WDFY4: variants seen among roughly 807,000 people sequenced by gnomAD.
The protein encoded by WDFY4 is WD repeat- and FYVE domain-containing protein 4.
WDFY4 carries 169 observed loss-of-function variants against 351.9 expected under a neutral mutation model. That is an observed-to-expected ratio of 0.48 (90% confidence interval 0.42 to 0.55). The LOEUF is 0.55. WDFY4 is among the 20% of genes least tolerant of loss of function. WDFY4 has a pLI of 0.00. For synonymous variants in WDFY4, 1,622 were observed against 1,574.6 expected, an observed-to-expected ratio of 1.03 and a Z score of -0.71; for missense variants, 3,803 against 3,935.6, an observed-to-expected ratio of 0.97 and a Z score of 0.90.
intron 12 of WDFY4, among the ~76,000 whole-genome samples, chr10:48,750,863 T>C (rs1219188319): frequency 1.3e-5 from 2 of 152,244 alleles, no homozygotes; most frequent in African/African-American, 4.8e-5. Context: ...GTGAGGCCCA[T>C]GTGAGCATGG....
At chr10:48,953,302 GTCTCTC>G (rs140127650) in intron 51 of WDFY4, among the ~76,000 whole-genome samples, 134 of 126,022 alleles carry the variant, frequency 1.1e-3, no homozygotes, top group Middle Eastern at 4.1e-3. Context: ...CATGAGATAT[GTCTCTC>G]TCTCTCTCTC....
chr10:48,695,584 A>T (rs2063310209), intron 1 of WDFY4, among the ~76,000 whole-genome samples: 1 of 152,208 alleles, frequency 6.6e-6, no homozygotes, highest in African/African-American at 2.4e-5. Context: ...AGTAGAGAAC[A>T]TTGATGTCTC....
At chr10:48,965,024 A>G (rs548609068) in intron 54 of WDFY4, among the ~76,000 whole-genome samples, 12 of 152,362 alleles carry the variant, frequency 7.9e-5, no homozygotes, top group African/African-American at 2.9e-4. Flanking sequence ...TGGCACATCC[A>G]GTGTGGGTTT....
chr10:48,820,998 G>T lies in WDFY4; in HGVS notation c.5710-64G>T, dbSNP rs575314468. 5.2e-6 allele frequency: 6 copies of T among 1,143,886 alleles called. No homozygotes were observed. In the East Asian group the frequency reaches 1.3e-4, roughly 25 times the overall value. 70.9% of individuals were successfully genotyped at this position (1,143,886 alleles called of 1,614,324 possible). A position where few individuals can be genotyped will look rare whatever the true frequency, so the allele number is the denominator to read the frequency against. ...AGTGTCCCAGCCAGGCTAGGGAGGC[G>T]GTGGGCACTGGGTGCACACGATGGC... is the stretch of plus-strand genomic sequence containing the variant. On this transcript the variant is annotated intron_variant, in intron 33 of 61. Transcript: ENST00000325239.
At chr10:48,940,784 G>C (rs980689469) in intron 47 of WDFY4, among the ~76,000 whole-genome samples, 1 of 152,188 alleles carries the variant, frequency 6.6e-6, no homozygotes, top group Admixed American at 6.5e-5. Context: ...GAGGAGCTGG[G>C]CTCTGTAATC....
intron 39 of WDFY4, among the ~76,000 whole-genome samples, chr10:48,833,734 G>A (rs2068279099): frequency 6.6e-6 from 1 of 152,356 alleles, no homozygotes; most frequent in South Asian, 2.1e-4. Context: ...GTTTTTGCTA[G>A]ACATGGCTGT....
At chr10:48,803,602 C>T (rs1405767805) in intron 25 of WDFY4, among the ~76,000 whole-genome samples, 2 of 152,104 alleles carry the variant, frequency 1.3e-5, no homozygotes, top group Admixed American at 6.5e-5. Flanking sequence ...ATACTGGGGG[C>T]TCAGCAATTG....
intron 5 of WDFY4, among the ~76,000 whole-genome samples, chr10:48,724,957 A>G (rs1036397342): frequency 6.6e-6 from 1 of 152,140 alleles, no homozygotes; most frequent in African/African-American, 2.4e-5. Flanking sequence ...TGTATGAGAG[A>G]AATCAGTGGA....
intron 8 of WDFY4, among the ~76,000 whole-genome samples, chr10:48,730,419 A>G (rs1198952174): frequency 6.6e-6 from 1 of 152,204 alleles, no homozygotes; most frequent in Admixed American, 6.5e-5. Context: ...GAGTTTCACA[A>G]ACATCTCTGT....
Position 48,975,004 on chromosome 10 carries a change from G to C in WDFY4, c.9071G>C (p.Arg3024Pro). The change falls in exon 58 of 62, where the codon CGG (arginine) becomes CCG (proline). Residue 3024 changes from arginine to proline, a missense_variant. Coordinates refer to ENST00000325239, the MANE Select transcript of WDFY4 (RefSeq NM_001394531.1). ...LTHVTRLPAH[R>P]EGISAITISD... ...CACGTGACCCGCCTGCCCGCCCATCGGGAAGGCATCTCAGCCATCACCATC... is the reference window on the plus strand; with the variant it reads ...CACGTGACCCGCCTGCCCGCCCATCCGGAAGGCATCTCAGCCATCACCATC... 1 of 1,551,650 alleles carries C rather than the reference G, an allele frequency of 6.4e-7. No homozygotes were observed. The highest frequency in any genetic ancestry group is 8.7e-7 in the Non-Finnish European group (1 of 1,146,990).
rs530505988 is a variant in WDFY4, at chr10:48,824,285, G to A, written c.5982+1748G>A. ...TATCCGTACAGTGGGGTAACTTAGC[G>A]TCTATGGTGTTTTTATGACAAACAG... On this transcript the variant is annotated intron_variant, in intron 35 of 61. Transcript: ENST00000325239. 63 of 710,158 alleles carry A rather than the reference G, an allele frequency of 8.9e-5. No homozygotes were observed. In the South Asian group the frequency reaches 3.0e-3, roughly 34 times the overall value. The allele number at this position is 710,158 out of a possible 1,614,324, so 44.0% of individuals were successfully genotyped here. A position where few individuals can be genotyped will look rare whatever the true frequency, so the allele number is the denominator to read the frequency against.
intron 28 of WDFY4, among the ~76,000 whole-genome samples, chr10:48,808,614 T>C (rs1318388706): frequency 6.6e-6 from 1 of 152,224 alleles, no homozygotes; most frequent in Non-Finnish European, 1.5e-5. Context: ...AACCTGTATA[T>C]GCATCTGGGC....
intron 13 of WDFY4, among the ~76,000 whole-genome samples, chr10:48,773,105 A>T (rs1365688661): frequency 2.0e-5 from 3 of 152,192 alleles, no homozygotes; most frequent in Non-Finnish European, 4.4e-5. Context: ...ATACCATCTC[A>T]CACCAGTTAG....
chr10:48,819,101 G>T (rs2067722221), intron 32 of WDFY4, among the ~76,000 whole-genome samples: 1 of 152,236 alleles, frequency 6.6e-6, no homozygotes, highest in Non-Finnish European at 1.5e-5. Context: ...TCTGACCCAG[G>T]GCTCCTGCTC....
intron 13 of WDFY4, among the ~76,000 whole-genome samples, chr10:48,763,253 T>C (rs573985928): frequency 6.6e-6 from 1 of 152,324 alleles, no homozygotes; most frequent in Admixed American, 6.5e-5. Flanking sequence ...CTCAGGAAAG[T>C]TGTTTGGCTT....
At chr10:48,879,554 C>A (rs192171565) in intron 43 of WDFY4, among the ~76,000 whole-genome samples, 144 of 152,342 alleles carry the variant, frequency 9.5e-4, no homozygotes, top group Non-Finnish European at 1.6e-3. Flanking sequence ...TAACGCAATG[C>A]ACATTTATTA....
rs1200516845 is a variant in WDFY4 at position 48,943,417 on chromosome 10, T to A, written c.7717T>A (p.Phe2573Ile). 23 of 1,551,590 alleles carry A rather than the reference T, an allele frequency of 1.5e-5. No homozygotes were observed. Among genetic ancestry groups the A allele is most frequent in the Admixed American group, 1.4e-4 (7 of 50,980 alleles). The change falls in exon 49 of 62, where the codon TTC (phenylalanine) becomes ATC (isoleucine). Residue 2573 changes from phenylalanine to isoleucine, a missense_variant. Phe to Ile is a conservative substitution (Grantham distance 21). This residue lies in a region of WDFY4 where 3,054 missense variants were observed against 3,148.6 expected (regional missense o/e 0.97). Coordinates refer to ENST00000325239, the MANE Select transcript of WDFY4 (RefSeq NM_001394531.1). ...CAATGACTACATGCAGTACCCAGTG[T>A]TCCCCTGGGTCCTCGCAGACTACAC... ...TCNDYMQYPV[F>I]PWVLADYTSE...
intron 47 of WDFY4, among the ~76,000 whole-genome samples, chr10:48,920,260 G>C (rs1352146117): frequency 6.6e-6 from 1 of 151,580 alleles, no homozygotes; most frequent in East Asian, 1.9e-4. Context: ...AAAAAAGCTA[G>C]AGCGGACAAA....
intron 47 of WDFY4, among the ~76,000 whole-genome samples, chr10:48,904,891 T>A (rs1837537662): frequency 6.6e-6 from 1 of 152,144 alleles, no homozygotes; most frequent in African/African-American, 2.4e-5. Flanking sequence ...AAAATCAAGG[T>A]TCTGTTATCC....
Sources: gnomAD v4.1 joint callset for allele counts (sites outside exome capture counted in the v4.1 genomes callset) on GRCh38, gnomAD v4.1.1 for gene constraint, gnomAD v4.1.1 regional missense constraint, MANE v1.5 for transcripts, NCBI Gene and HGNC (gene_info 2026-07-23, HGNC 2026-07-21) for gene names.